CLEC5A: variants seen among roughly 807,000 people sequenced by gnomAD.
CLEC5A encodes the protein C-type lectin domain containing 5A.
CLEC5A carries 15 observed loss-of-function variants against 24.4 expected under a neutral mutation model. The observed-to-expected ratio is 0.62, with a 90% CI of 0.41 to 0.95. The LOEUF is 0.95. Among genes scored for constraint, CLEC5A ranks in the 40% least tolerant of loss-of-function variants. The pLI, the probability that CLEC5A is intolerant of heterozygous loss-of-function variation, is 0.00. For missense variants in CLEC5A, 211 were observed against 224.0 expected, an observed-to-expected ratio of 0.94 and a Z score of 0.37; for synonymous variants, 71 against 72.6, an observed-to-expected ratio of 0.98 and a Z score of 0.11.
rs1554439699 is a variant in CLEC5A at position 141,927,538 on chromosome 7, G to A, written c.*2566C>T. On this transcript the variant is annotated 3_prime_UTR_variant, in exon 7 of 7. Transcript: ENST00000546910. ...TATACAGTGATAAGTTTTTATTTTTGTGCTTAGAGTTTCAGCTGATCTAGG... is the reference window on the plus strand; with the variant it reads ...TATACAGTGATAAGTTTTTATTTTTATGCTTAGAGTTTCAGCTGATCTAGG... The A allele has an allele frequency of 1.3e-5, 2 of 152,182 alleles. No homozygotes were observed. Among genetic ancestry groups the A allele is most frequent in the African/African-American group, 4.8e-5 (2 of 41,426 alleles). 9.4% of individuals were successfully genotyped at this position (152,182 alleles called of 1,614,324 possible). A position where few individuals can be genotyped will look rare whatever the true frequency, so the allele number is the denominator to read the frequency against.
chr7:141,931,848 T>C lies in CLEC5A; in HGVS notation c.346-22A>G, dbSNP rs73525940. On this transcript the variant is annotated intron_variant, in intron 5 of 6. Transcript: ENST00000546910. ...ACTTCTGGAAATAAAAAAAAAATTTTACCAGTGAGTCTTTTAATGATGCCT... is the reference window on the plus strand; with the variant it reads ...ACTTCTGGAAATAAAAAAAAAATTTCACCAGTGAGTCTTTTAATGATGCCT... 5,885 of 1,143,800 alleles carry C rather than the reference T, an allele frequency of 5.1e-3. 230 individuals are homozygous for C. The African/African-American group carries it at 0.081, about 16-fold the overall frequency. The allele number at this position is 1,143,800 out of a possible 1,614,324, so 70.9% of individuals were successfully genotyped here.
intron 4 of CLEC5A, among the ~76,000 whole-genome samples, chr7:141,943,111 G>A (rs879950436): frequency 1.3e-5 from 2 of 152,112 alleles, no homozygotes; most frequent in African/African-American, 2.4e-5. Flanking sequence ...ATATTGAAGA[G>A]ACATCTGCAC....
In CLEC5A at chr7:141,943,126, G is replaced by A. The variant is rs112422081; in HGVS notation, c.208+770C>T. Among the ~76,000 whole-genome samples, 1,068 of 152,128 alleles carry A rather than the reference G, an allele frequency of 7.0e-3. 9 individuals carry two copies. Among genetic ancestry groups the A allele is most frequent in the African/African-American group, 0.016 (674 of 41,506 alleles). ...ATATTGAAGAGACATCTGCACTCCC[G>A]TTTTTATCGCAACACTATTCACAAT... is the stretch of plus-strand genomic sequence containing the variant. On this transcript the variant is annotated intron_variant, in intron 4 of 6. Transcript: ENST00000546910.
chr7:141,941,102 C>A (rs953371117), intron 4 of CLEC5A, among the ~76,000 whole-genome samples: 2 of 152,086 alleles, frequency 1.3e-5, no homozygotes, highest in Non-Finnish European at 2.9e-5. Context: ...ACCCTGATAC[C>A]AAAACCAGAC....
intron 4 of CLEC5A, chr7:141,936,236 C>T (rs559059429): frequency 1.0e-3 from 407 of 400,508 alleles, no homozygotes; most frequent in Middle Eastern, 2.2e-3. Flanking sequence ...AGCACATATA[C>T]ATACATGAGA....
chr7:141,936,402 G>A (rs1802627113), intron 4 of CLEC5A: 1 of 200,030 alleles, frequency 5.0e-6, no homozygotes, highest in Non-Finnish European at 1.0e-5. Flanking sequence ...GAGAGGGAGT[G>A]TGCAGGGATT....
rs1312298243 is a variant in CLEC5A, at chr7:141,928,173, C to A, written c.*1931G>T. On this transcript the variant is annotated 3_prime_UTR_variant, in exon 7 of 7. Coordinates refer to ENST00000546910, the MANE Select transcript of CLEC5A (RefSeq NM_013252.3). ...GAACTTAAACCAAATCCCACATATT[C>A]CCTATCTACTCCCCACTCCCACCCC... The A allele has an allele frequency of 2.6e-5, 4 of 152,302 alleles. No individual in the cohort carries two copies. Among genetic ancestry groups the A allele is most frequent in the African/African-American group, 9.7e-5 (4 of 41,408 alleles). 9.4% of individuals were successfully genotyped at this position (152,302 alleles called of 1,614,324 possible). A position where few individuals can be genotyped will look rare whatever the true frequency, so the allele number is the denominator to read the frequency against.
chr7:141,942,012 T>A (rs1802808227), intron 4 of CLEC5A, among the ~76,000 whole-genome samples: 1 of 151,944 alleles, frequency 6.6e-6, no homozygotes, highest in African/African-American at 2.4e-5. Flanking sequence ...CTCAAAGCAA[T>A]CTACAGATTT....
intron 4 of CLEC5A, among the ~76,000 whole-genome samples, chr7:141,943,082 C>G (rs1383471788): frequency 5.9e-5 from 9 of 152,150 alleles, no homozygotes; most frequent in Middle Eastern, 6.8e-3. Context: ...AGTATAGGCC[C>G]AAAAGAAAGG....
Position 141,929,982 on chromosome 7 carries a change from T to G in CLEC5A, c.*122A>C. On this transcript the variant is annotated 3_prime_UTR_variant, in exon 7 of 7. Transcript: ENST00000546910. ...CCAGTGCAGAAGAAAGAAGCTCAGT[T>G]TCCCAAATGGGCAAGGACCGCTACT... 1 of 693,166 alleles carries G rather than the reference T, an allele frequency of 1.4e-6. No homozygotes were observed. The highest frequency in any genetic ancestry group is 2.4e-6 in the Non-Finnish European group (1 of 416,728). The allele number at this position is 693,166 out of a possible 1,614,324, so 42.9% of individuals were successfully genotyped here. A position where few individuals can be genotyped will look rare whatever the true frequency, so the allele number is the denominator to read the frequency against.
chr7:141,933,357 T>A, intron 5 of CLEC5A, among the ~76,000 whole-genome samples: 1 of 151,358 alleles, frequency 6.6e-6, no homozygotes, highest in South Asian at 2.1e-4. Flanking sequence ...TATAGGCAGG[T>A]GGGGAAGCAG....
chr7:141,940,521 A>G (rs1446341884), intron 4 of CLEC5A, among the ~76,000 whole-genome samples: 2 of 151,956 alleles, frequency 1.3e-5, no homozygotes, highest in Admixed American at 6.6e-5. Flanking sequence ...AATCTTAAAG[A>G]ACTAAAAAAG....
At chr7:141,936,000 A>T (rs1802613009) in intron 4 of CLEC5A, 50 bp from the exon 5 acceptor site, 10 of 1,505,842 alleles carry the variant, frequency 6.6e-6, no homozygotes, top group Non-Finnish European at 9.2e-6. Flanking sequence ...TTGGGTTATG[A>T]ATCCTGCAAC....
chr7:141,937,332 T>C (rs973938560), intron 4 of CLEC5A, among the ~76,000 whole-genome samples: 5 of 151,852 alleles, frequency 3.3e-5, no homozygotes, highest in Non-Finnish European at 5.9e-5. Context: ...GCAGCATTCG[T>C]GACAAGCTGA....
intron 5 of CLEC5A, among the ~76,000 whole-genome samples, chr7:141,932,667 T>C (rs988017533): frequency 2.6e-5 from 4 of 152,204 alleles, no homozygotes; most frequent in Non-Finnish European, 4.4e-5. Flanking sequence ...ATGCATTGTG[T>C]TAGGCTGAGG....
At chr7:141,931,625 A>G in intron 6 of CLEC5A, 95 bp downstream of exon 6, 1 of 749,188 alleles carries the variant, frequency 1.3e-6, no homozygotes, top group Non-Finnish European at 2.5e-6. Flanking sequence ...GTCAAGTGTC[A>G]GCGTTTGAGC....
intron 4 of CLEC5A, among the ~76,000 whole-genome samples, chr7:141,941,582 A>G (rs565567393): frequency 4.6e-5 from 7 of 152,254 alleles, no homozygotes; most frequent in African/African-American, 1.7e-4. Context: ...TAGCTAGAGC[A>G]GTCAGACAAG....
chr7:141,930,516 A>G (rs1206657599), intron 6 of CLEC5A, among the ~76,000 whole-genome samples: 2 of 152,194 alleles, frequency 1.3e-5, no homozygotes, highest in African/African-American at 2.4e-5. Context: ...TCACTCTGGC[A>G]TTTGGTTAGA....
At position 141,946,249 on chromosome 7, in the gene CLEC5A, A is replaced by T; in HGVS notation, c.44T>A (p.Leu15His). 6.4e-7 allele frequency: 1 copy of T among 1,572,406 alleles called. No individual in the cohort carries two copies. The highest frequency in any genetic ancestry group is 8.6e-7 in the Non-Finnish European group (1 of 1,157,544). ...AAATAAGGTCATTCCAACAACTTTA[A>T]GCACTACCACAATAAGCCCAGAGAT... ...MIISGLIVVV[L>H]KVVGMTLFLL... The change falls in exon 2 of 7, where the codon CTT (leucine) becomes CAT (histidine). Residue 15 changes from leucine (L) to histidine (H), a missense_variant. Transcript: ENST00000546910.
Sources: allele counts gnomAD v4.1 joint callset (sites outside exome capture counted in the v4.1 genomes callset), GRCh38; gene constraint gnomAD v4.1.1; transcripts MANE v1.5; gene names NCBI Gene and HGNC (gene_info 2026-07-23, HGNC 2026-07-21).